Variants in WWC2 observed in about 807,000 individuals in gnomAD.
The protein encoded by WWC2 is protein WWC2.
WWC2 carries 101 observed loss-of-function variants against 138.5 expected under a neutral mutation model. The ratio of observed to expected loss-of-function variants is 0.73; its 90% CI spans 0.62 to 0.86. WWC2 has a LOEUF of 0.86. WWC2 is among the 40% of genes least tolerant of loss of function. The probability of loss-of-function intolerance (pLI) is 0.00; values close to 1 mark genes in which losing one functional copy is unlikely to be tolerated. For missense variants in WWC2, 1,420 were observed against 1,419.4 expected, an observed-to-expected ratio of 1.00 and a Z score of -0.01; for synonymous variants, 558 against 538.4, an observed-to-expected ratio of 1.04 and a Z score of -0.50.
At chr4:183,201,628 G>A (rs369562539) in intron 2 of WWC2, among the ~76,000 whole-genome samples, 15 of 152,146 alleles carry the variant, frequency 9.9e-5, no homozygotes, top group African/African-American at 3.4e-4. Context: ...ACTTATTAAC[G>A]AACAAATAAC....
intron 16 of WWC2, among the ~76,000 whole-genome samples, chr4:183,276,972 T>TTTATTA (rs200128539): frequency 2.7e-4 from 40 of 150,376 alleles, no homozygotes; most frequent in African/African-American, 5.8e-4. Context: ...TCATTTCTTT[T>TTTATTA]TTATTATTAT....
Position 183,269,019 on chromosome 4 carries a change from G to T in WWC2, c.2256G>T (p.Leu752=). 1 of 1,613,874 alleles carries T rather than the reference G, an allele frequency of 6.2e-7. No homozygotes were observed. The highest frequency in any genetic ancestry group is 8.5e-7 in the Non-Finnish European group (1 of 1,179,874). ...CTTCCTCAACTGATGTCAGCTGTCT[G>T]TTTCGCACAAAAGTTCATCCGCCCA... ...VLPSSTDVSC[L]FRTKVHPPTE... Residue 752 remains leucine, a synonymous_variant, in exon 15 of 23, where the codon CTG becomes CTT. Transcript: ENST00000403733.
At chr4:183,182,462 T>G (rs1734659587) in intron 1 of WWC2, among the ~76,000 whole-genome samples, 1 of 152,232 alleles carries the variant, frequency 6.6e-6, no homozygotes, top group Non-Finnish European at 1.5e-5. Flanking sequence ...TCATACCTTC[T>G]TTGCTGGCAT....
At chr4:183,137,864 T>C (rs1199737695) in intron 1 of WWC2, among the ~76,000 whole-genome samples, 3 of 152,222 alleles carry the variant, frequency 2.0e-5, no homozygotes, top group African/African-American at 7.2e-5. Flanking sequence ...TCGTTGTTAC[T>C]GTGTGATAAC....
intron 1 of WWC2, among the ~76,000 whole-genome samples, chr4:183,149,612 A>G (rs1424517851): frequency 1.3e-5 from 2 of 148,686 alleles, no homozygotes; most frequent in Non-Finnish European, 3.0e-5. Context: ...ACAAGAGTGA[A>G]ACTCTGTCTA....
intron 1 of WWC2, among the ~76,000 whole-genome samples, chr4:183,191,930 C>T (rs1312451668): frequency 3.3e-5 from 5 of 151,828 alleles, no homozygotes; most frequent in Admixed American, 1.3e-4. Flanking sequence ...CTCACTGTGT[C>T]GCCCAGGCTG....
intron 21 of WWC2, 84 bp from the exon 22 acceptor site, chr4:183,312,257 C>T: frequency 3.2e-6 from 5 of 1,562,518 alleles, no homozygotes; most frequent in African/African-American, 1.4e-5. Context: ...CTTTAGTCCA[C>T]AATCTTTGAA....
chr4:183,162,598 C>G (rs1028073867), intron 1 of WWC2, among the ~76,000 whole-genome samples: 7 of 152,168 alleles, frequency 4.6e-5, no homozygotes, highest in Non-Finnish European at 8.8e-5. Flanking sequence ...TGCTCCTTGA[C>G]TGACATTTCT....
intron 1 of WWC2, among the ~76,000 whole-genome samples, chr4:183,147,330 A>G (rs542317149): frequency 6.6e-6 from 1 of 152,354 alleles, no homozygotes; most frequent in South Asian, 2.1e-4. Flanking sequence ...ATTTGCCCAA[A>G]GCTACACAGC....
At chr4:183,124,306 T>C (rs1005996035) in intron 1 of WWC2, among the ~76,000 whole-genome samples, 1 of 152,018 alleles carries the variant, frequency 6.6e-6, no homozygotes, top group Non-Finnish European at 1.5e-5. Context: ...TCTTTTCTAC[T>C]GTAACTGCAA....
chr4:183,160,261 TTA>T (rs1490076697), intron 1 of WWC2, among the ~76,000 whole-genome samples: 1 of 152,220 alleles, frequency 6.6e-6, no homozygotes, highest in African/African-American at 2.4e-5. Flanking sequence ...TATTGCTTCT[TTA>T]TGTCACCCAC....
chr4:183,136,351 A>T (rs982691983), intron 1 of WWC2, among the ~76,000 whole-genome samples: 2 of 152,132 alleles, frequency 1.3e-5, no homozygotes, highest in Admixed American at 1.3e-4. Flanking sequence ...CACTTCACAA[A>T]TTCTGTCTTT....
chr4:183,282,856 A>G lies in WWC2; in HGVS notation c.2833A>G (p.Asn945Asp). 2 of 1,592,154 alleles carry G rather than the reference A, an allele frequency of 1.3e-6. No homozygotes were observed. The highest frequency in any genetic ancestry group is 2.3e-5 in the South Asian group (2 of 87,074). The change falls in exon 18 of 23, where the codon AAC becomes GAC. Residue 945 changes from asparagine (N) to aspartate (D), a missense_variant. Asn to Asp is a conservative substitution (Grantham distance 23, BLOSUM62 1). Transcript: ENST00000403733. ...MNEDGNRKES[N>D]CAKDLRSQPP... The stretch of plus-strand genomic sequence containing the variant: ...TGAAGACGGGAACAGGAAAGAAAGC[A>G]ACTGTGCCAAAGACCTCAGAAGTCA...
chr4:183,255,631 A>G (rs906225326), intron 9 of WWC2, among the ~76,000 whole-genome samples: 1 of 152,170 alleles, frequency 6.6e-6, no homozygotes, highest in Non-Finnish European at 1.5e-5. Context: ...AGGACTTACA[A>G]ACAGATTTGT....
At chr4:183,191,952 C>G (rs866897808) in intron 1 of WWC2, among the ~76,000 whole-genome samples, 1 of 152,144 alleles carries the variant, frequency 6.6e-6, no homozygotes, top group Admixed American at 6.5e-5. Context: ...TCTTGAACTC[C>G]TGGTCTCAGC....
chr4:183,279,311 T>C (rs1157937917), intron 16 of WWC2, among the ~76,000 whole-genome samples: 1 of 152,008 alleles, frequency 6.6e-6, no homozygotes, highest in East Asian at 1.9e-4. Context: ...CAGCCTTGCA[T>C]CCCAGGGATG....
rs553655734 is a variant in WWC2 at position 183,162,274 on chromosome 4, A to G, written c.132-31325A>G. 6.8e-4 allele frequency among the ~76,000 whole-genome samples: 103 copies of G among 152,314 alleles called. 1 individual carries two copies. The highest frequency in any genetic ancestry group is 2.4e-3 in the African/African-American group (98 of 41,570). ...CAGTATACTAAATACTATTTTTACT[A>G]TATTTTTCATTTGCCTATACACTTA... On this transcript the variant is annotated intron_variant, in intron 1 of 22. Transcript: ENST00000403733.
At chr4:183,228,112 G>A (rs1220190442) in intron 4 of WWC2, among the ~76,000 whole-genome samples, 2 of 151,890 alleles carry the variant, frequency 1.3e-5, no homozygotes, top group East Asian at 1.9e-4. Context: ...TTAAAAGGAC[G>A]GGAAGAAAAA....
chr4:183,265,991 C>T, intron 14 of WWC2, 40 bp downstream of exon 14: 1 of 1,538,830 alleles, frequency 6.5e-7, no homozygotes, highest in East Asian at 2.3e-5. Flanking sequence ...GGAACTTAAA[C>T]ATTTCCATGT....
Sources: gnomAD v4.1 joint callset for allele counts (sites outside exome capture counted in the v4.1 genomes callset) on GRCh38, gnomAD v4.1.1 for gene constraint, MANE v1.5 for transcripts, NCBI Gene and HGNC (gene_info 2026-07-23, HGNC 2026-07-21) for gene names.